The following DARS1 variants were observed in gnomAD, a reference collection of about 807,000 sequenced individuals.
DARS1 encodes the protein aspartate--tRNA ligase, cytoplasmic.
DARS1 carries 51 observed loss-of-function variants against 68.8 expected under a neutral mutation model. That is an observed-to-expected ratio of 0.74 (90% CI 0.59 to 0.94). The LOEUF (loss-of-function observed/expected upper bound fraction) is 0.94, where lower values mean the gene tolerates loss of function less well. Among genes scored for constraint, DARS1 ranks in the 40% least tolerant of loss-of-function variants. The pLI, the probability that DARS1 is intolerant of heterozygous loss-of-function variation, is 0.00. For synonymous variants in DARS1, 203 were observed against 190.4 expected, an observed-to-expected ratio of 1.07 and a Z score of -0.55; for missense variants, 607 against 597.3, an observed-to-expected ratio of 1.02 and a Z score of -0.17.
At chr2:135,949,809 C>T (rs2104824482) in intron 4 of DARS1, among the ~76,000 whole-genome samples, 1 of 152,266 alleles carries the variant, frequency 6.6e-6, no homozygotes, top group Non-Finnish European at 1.5e-5. Flanking sequence ...ATTCCTAAGA[C>T]AGACAATTTG....
chr2:135,923,059 T>C (rs1681139407), intron 8 of DARS1, 141 bp from the exon 9 acceptor site: 2 of 962,230 alleles, frequency 2.1e-6, no homozygotes, highest in Admixed American at 8.1e-5. Context: ...AATCACAGTC[T>C]ATATACATCA....
chr2:135,975,753 CAAAAA>C (rs1170740469), intron 3 of DARS1, among the ~76,000 whole-genome samples: 2 of 71,734 alleles, frequency 2.8e-5, no homozygotes, highest in African/African-American at 4.8e-5. Flanking sequence ...GACCCTGACT[CAAAAA>C]AAAAAAAAAA....
At chr2:135,935,372 G>A (rs576533379) in intron 5 of DARS1, among the ~76,000 whole-genome samples, 10 of 151,884 alleles carry the variant, frequency 6.6e-5, no homozygotes, top group African/African-American at 9.7e-5. Flanking sequence ...CGAGGCAGGC[G>A]GATCACGAGG....
intron 4 of DARS1, among the ~76,000 whole-genome samples, chr2:135,953,668 T>G (rs1004961135): frequency 6.6e-6 from 1 of 152,156 alleles, no homozygotes; most frequent in Non-Finnish European, 1.5e-5. Context: ...ACTGAAAACA[T>G]GAAACTCTCT....
chr2:135,911,502 G>A lies in DARS1; in HGVS notation c.1231-9C>T, dbSNP rs776847497. On this transcript the variant is annotated splice_polypyrimidine_tract_variant and intron_variant, in intron 13 of 15. Transcript: ENST00000264161. ...TAAGAGTTGGACTGTTTCTGCAAGA[G>A]AAAAAACACCAGTCCTCAAGTGACT... 3 of 870,480 alleles carry A rather than the reference G, an allele frequency of 3.4e-6. No homozygotes were observed. Among genetic ancestry groups the A allele is most frequent in the Non-Finnish European group, 3.9e-6 (2 of 508,518 alleles). 53.9% of individuals were successfully genotyped at this position (870,480 alleles called of 1,614,324 possible). A position where few individuals can be genotyped will look rare whatever the true frequency, so the allele number is the denominator to read the frequency against.
Position 135,922,845 on chromosome 2 carries a change from T to C in DARS1, c.750A>G (p.Pro250=), listed in dbSNP as rs1394720094. Residue 250 remains proline, a synonymous_variant, in exon 9 of 16, where the codon CCA becomes CCG. Transcript: ENST00000264161. ...FKNNAYLAQS[P]QLYKQMCICA... ...AAATGCACATTTGCTTATATAGCTG[T>C]GGGGACTGAGCCAGGTATGCATTAT... 6.3e-7 allele frequency: 1 copy of C among 1,591,846 alleles called. No homozygotes were observed. Among genetic ancestry groups the C allele is most frequent in the South Asian group, 1.2e-5 (1 of 86,518 alleles).
At chr2:135,980,262 AC>A (rs1332637755) in intron 2 of DARS1, among the ~76,000 whole-genome samples, 1 of 152,258 alleles carries the variant, frequency 6.6e-6, no homozygotes, top group Non-Finnish European at 1.5e-5. Context: ...AGATGTGTAT[AC>A]AACGCAACAT....
chr2:135,941,951 G>C (rs1355278944), intron 5 of DARS1, among the ~76,000 whole-genome samples: 1 of 152,124 alleles, frequency 6.6e-6, no homozygotes, highest in Non-Finnish European at 1.5e-5. Context: ...CAAAACCAAT[G>C]AGATACCATC....
Position 135,907,261 on chromosome 2 carries a change from T to TTTTTTTTTTTTTTGGGG in DARS1, c.*54_*55insCCCCAAAAAAAAAAAAA. ...GGCTTTCTTTTTTTTTTTTTTTTTT[T>TTTTTTTTTTTTTTGGGG]GAGGCAGGGTCTCGCTCTGTCATCC... On this transcript the variant is annotated 3_prime_UTR_variant, in exon 16 of 16. Transcript: ENST00000264161. 2.2e-6 allele frequency: 2 copies of TTTTTTTTTTTTTTGGGG among 889,240 alleles called. No individual in the cohort carries two copies. Among genetic ancestry groups the TTTTTTTTTTTTTTGGGG allele is most frequent in the Non-Finnish European group, 3.3e-6 (2 of 601,876 alleles). 55.1% of individuals were successfully genotyped at this position (889,240 alleles called of 1,614,324 possible). A position where few individuals can be genotyped will look rare whatever the true frequency, so the allele number is the denominator to read the frequency against.
rs1236668962 is a variant in DARS1, at chr2:135,920,586, C to A, written c.826G>T (p.Asp276Tyr). ...GTTAGATGTCTATGGGTATTAGAGTCTTCCGCTCTGAATACTGTGAAGTTA... is the reference window on the plus strand; with the variant it reads ...GTTAGATGTCTATGGGTATTAGAGTATTCCGCTCTGAATACTGTGAAGTTA... ...FSIGPVFRAE[D>Y]SNTHRHLTEF... The change falls in exon 10 of 16, where the codon GAC (aspartate) becomes TAC (tyrosine). Residue 276 changes from aspartate to tyrosine, a missense_variant. Coordinates refer to ENST00000264161, the MANE Select transcript of DARS1 (RefSeq NM_001349.4). 1 of 1,604,266 alleles carries A rather than the reference C, an allele frequency of 6.2e-7. No individual in the cohort carries two copies. The highest frequency in any genetic ancestry group is 8.5e-7 in the Non-Finnish European group (1 of 1,176,736).
chr2:135,920,582 G>A lies in DARS1; in HGVS notation c.830C>T (p.Ser277Phe). The change falls in exon 10 of 16, where the codon TCT becomes TTT. Residue 277 changes from serine (S) to phenylalanine (F), a missense_variant. By Grantham distance (155) the Ser-to-Phe change is radical. Coordinates refer to ENST00000264161, the MANE Select transcript of DARS1 (RefSeq NM_001349.4). ...CTCAGTTAGATGTCTATGGGTATTAGAGTCTTCCGCTCTGAATACTGTGAA... is the reference window on the plus strand; with the variant it reads ...CTCAGTTAGATGTCTATGGGTATTAAAGTCTTCCGCTCTGAATACTGTGAA... ...SIGPVFRAED[S>F]NTHRHLTEFV... The A allele has an allele frequency of 6.2e-7, 1 of 1,610,660 alleles. No homozygotes were observed. The highest frequency in any genetic ancestry group is 8.5e-7 in the Non-Finnish European group (1 of 1,179,026).
At chr2:135,929,713 T>C (rs1681302099) in intron 7 of DARS1, among the ~76,000 whole-genome samples, 1 of 152,218 alleles carries the variant, frequency 6.6e-6, no homozygotes, top group Non-Finnish European at 1.5e-5. Flanking sequence ...GATTTTAATT[T>C]TTAGTTTGGA....
intron 4 of DARS1, among the ~76,000 whole-genome samples, chr2:135,949,608 A>G (rs573336782): frequency 6.6e-6 from 1 of 152,350 alleles, no homozygotes; most frequent in East Asian, 1.9e-4. Flanking sequence ...ACCTGTTCCT[A>G]GAACCTCTAG....
rs571593449 is a variant in DARS1 at position 135,938,513 on chromosome 2, T to C, written c.424-4523A>G. On this transcript the variant is annotated intron_variant, in intron 5 of 15. Coordinates refer to ENST00000264161, the MANE Select transcript of DARS1 (RefSeq NM_001349.4). Reference sequence around the variant, plus strand: ...CTCAATTTGTCAAAGTCATTCTCTGTCCAGCTTTGTTGCGTTGCTGGCGAG... The same window carrying C: ...CTCAATTTGTCAAAGTCATTCTCTGCCCAGCTTTGTTGCGTTGCTGGCGAG... Among the ~76,000 whole-genome samples, 4 of 152,352 alleles carry C rather than the reference T, an allele frequency of 2.6e-5. No homozygotes were observed. In the South Asian group the frequency reaches 8.3e-4, roughly 32 times the overall value.
intron 5 of DARS1, among the ~76,000 whole-genome samples, chr2:135,937,475 T>C (rs1243421008): frequency 6.6e-6 from 1 of 152,230 alleles, no homozygotes; most frequent in Non-Finnish European, 1.5e-5. Context: ...TTTTGACTTC[T>C]CTATGTTGTA....
At chr2:135,953,143 G>C (rs927311256) in intron 4 of DARS1, among the ~76,000 whole-genome samples, 7 of 152,136 alleles carry the variant, frequency 4.6e-5, no homozygotes, top group African/African-American at 1.4e-4. Context: ...TAGCAGAACT[G>C]ACAGTACATT....
At chr2:135,922,523 CAT>C (rs1298052918) in intron 9 of DARS1, among the ~76,000 whole-genome samples, 4 of 152,144 alleles carry the variant, frequency 2.6e-5, no homozygotes, top group South Asian at 4.1e-4. Context: ...TGTAAGAATA[CAT>C]ATGTTTATAA....
intron 10 of DARS1, among the ~76,000 whole-genome samples, chr2:135,917,909 G>T (rs1052055966): frequency 6.6e-6 from 1 of 151,620 alleles, no homozygotes; most frequent in African/African-American, 2.4e-5. Flanking sequence ...CCCCATAATT[G>T]ATTTTTTTAA....
At chr2:135,908,246 C>T (rs763072466) in intron 15 of DARS1, among the ~76,000 whole-genome samples, 1 of 152,044 alleles carries the variant, frequency 6.6e-6, no homozygotes, top group African/African-American at 2.4e-5. Context: ...TGTAGGGAGG[C>T]GAATACGCAC....
Sources: gnomAD v4.1 joint callset for allele counts (sites outside exome capture counted in the v4.1 genomes callset) on GRCh38, gnomAD v4.1.1 for gene constraint, MANE v1.5 for transcripts, NCBI Gene and HGNC (gene_info 2026-07-23, HGNC 2026-07-21) for gene names.